GALNT1: variants seen among roughly 807,000 people sequenced by gnomAD.
GALNT1 encodes polypeptide N-acetylgalactosaminyltransferase 1.
A neutral mutation model predicts 65.7 loss-of-function variants in GALNT1; 17 were observed. That is an observed-to-expected ratio of 0.26 (90% confidence interval 0.18 to 0.39). The LOEUF is 0.39. GALNT1 is among the 10% of genes least tolerant of loss of function. The pLI is 1.00. For synonymous variants in GALNT1, 210 were observed against 219.7 expected, an observed-to-expected ratio of 0.96 and a Z score of 0.39; for missense variants, 460 against 672.8, an observed-to-expected ratio of 0.68 and a Z score of 3.50.
chr18:35,597,104 G>C (rs957305916), intron 1 of GALNT1: 1 of 152,222 alleles, frequency 6.6e-6, no homozygotes, highest in African/African-American at 2.4e-5. Flanking sequence ...GGAGTGACCT[G>C]ATCAACAGAT....
chr18:35,709,301 A>C (rs1418388286), intron 11 of GALNT1, among the ~76,000 whole-genome samples: 1 of 152,192 alleles, frequency 6.6e-6, no homozygotes. Context: ...GAAGCTTCTC[A>C]TAGTGTTACA....
rs190953689 is a variant in GALNT1 at position 35,622,491 on chromosome 18, A to G, written c.-103-32069A>G. 7.2e-3 allele frequency among the ~76,000 whole-genome samples: 1,087 copies of G among 150,260 alleles called. 11 individuals carry two copies. The highest frequency in any genetic ancestry group is 0.025 in the African/African-American group (1,009 of 40,394). ...GGTCTCGAACTCCTGGATTCAAATAATACTCTTTGCCTCAGCCTCCAAAGT... is the reference window on the plus strand; with the variant it reads ...GGTCTCGAACTCCTGGATTCAAATAGTACTCTTTGCCTCAGCCTCCAAAGT... On this transcript the variant is annotated intron_variant, in intron 1 of 11. Transcript: ENST00000269195.
At chr18:35,692,081 T>C (rs1192126703) in intron 8 of GALNT1, 100 bp from the exon 9 acceptor site, 15 of 1,005,708 alleles carry the variant, frequency 1.5e-5, no homozygotes, top group Non-Finnish European at 2.1e-5. Flanking sequence ...ACCCAGCTGA[T>C]ACCACTGTTC....
rs559827203 is a variant in GALNT1, at chr18:35,678,935, T to C, written c.481+1178T>C. Reference sequence around the variant, plus strand: ...TTATTGCTTTGCCAGTTTATACAGTTGCACATGAAGAAAAGGATAAATCCT... The same window carrying C: ...TTATTGCTTTGCCAGTTTATACAGTCGCACATGAAGAAAAGGATAAATCCT... On this transcript the variant is annotated intron_variant, in intron 4 of 11. Coordinates refer to ENST00000269195, the MANE Select transcript of GALNT1 (RefSeq NM_020474.4). Among the ~76,000 whole-genome samples the C allele has an allele frequency of 3.4e-4, 52 of 152,326 alleles. No homozygotes were observed. The South Asian group carries it at 0.01, about 30-fold the overall frequency.
intron 1 of GALNT1, among the ~76,000 whole-genome samples, chr18:35,651,014 A>T (rs946345538): frequency 6.6e-6 from 1 of 152,196 alleles, no homozygotes; most frequent in Non-Finnish European, 1.5e-5. Flanking sequence ...AGGCATAAGA[A>T]ATTATAAAAG....
At chr18:35,637,532 A>G (rs914035567) in intron 1 of GALNT1, among the ~76,000 whole-genome samples, 7 of 152,212 alleles carry the variant, frequency 4.6e-5, no homozygotes, top group Non-Finnish European at 1.0e-4. Flanking sequence ...AGGCTGAGAG[A>G]GGTGAGGAAG....
At chr18:35,690,980 A>G (rs767776406) in intron 7 of GALNT1, 32 bp from the exon 8 acceptor site, 55 of 1,526,802 alleles carry the variant, frequency 3.6e-5, no homozygotes, top group South Asian at 3.4e-4. Flanking sequence ...TTACTCAGCT[A>G]CATGTTACAT....
chr18:35,679,062 T>C (rs2047751418), intron 4 of GALNT1, among the ~76,000 whole-genome samples: 1 of 152,186 alleles, frequency 6.6e-6, no homozygotes, highest in Non-Finnish European at 1.5e-5. Flanking sequence ...TATAATTACA[T>C]GTCAGAAGGA....
rs116788148 is a variant in GALNT1, at chr18:35,608,163, A to G, written c.-104+26301A>G. ...TCTCAGTAATATTTTTTGTTTTTCA[A>G]TGAAGTTGTCTTACTGCTAAGTTTA... is the stretch of plus-strand genomic sequence containing the variant. On this transcript the variant is annotated intron_variant, in intron 1 of 11. Transcript: ENST00000269195. Among the ~76,000 whole-genome samples the G allele has an allele frequency of 6.4e-3, 971 of 152,124 alleles. 19 individuals carry two copies. Among genetic ancestry groups the G allele is most frequent in the African/African-American group, 0.022 (921 of 41,508 alleles).
rs191294614 is a variant in GALNT1, at chr18:35,711,230, G to C, written c.*1460G>C. 1.8e-4 allele frequency: 28 copies of C among 152,382 alleles called. No homozygotes were observed. The highest frequency in any genetic ancestry group is 6.5e-4 in the African/African-American group (27 of 41,506). The allele number at this position is 152,382 out of a possible 1,614,324, so 9.4% of individuals were successfully genotyped here. ...TTTTTCCTGATATGTAGAGCAGTCT[G>C]TTGGCAAAAATGCATATATTTTCTT... On this transcript the variant is annotated 3_prime_UTR_variant, in exon 12 of 12. Coordinates refer to ENST00000269195, the MANE Select transcript of GALNT1 (RefSeq NM_020474.4).
intron 3 of GALNT1, among the ~76,000 whole-genome samples, chr18:35,671,195 G>T (rs635462): frequency 0.61 from 92,183 of 151,898 alleles, 28,541 homozygotes; most frequent in Middle Eastern, 0.7. Context: ...TACCATTGAA[G>T]GGACTCTCAC....
rs77316873 is a variant in GALNT1, at chr18:35,636,014, T to A, written c.-103-18546T>A. Among the ~76,000 whole-genome samples the A allele has an allele frequency of 5.7e-3, 871 of 152,244 alleles. 21 individuals carry two copies. In the East Asian group the frequency reaches 0.064, roughly 11 times the overall value. On this transcript the variant is annotated intron_variant, in intron 1 of 11. Transcript: ENST00000269195. ...AAAGCACATCAGCCATAGTTTTTTT[T>A]AAAAAAGAATGTCTGATTCCAGGAT...
At chr18:35,677,822 T>C in intron 4 of GALNT1, 65 bp downstream of exon 4, 1 of 1,187,074 alleles carries the variant, frequency 8.4e-7, no homozygotes, top group Non-Finnish European at 1.2e-6. Context: ...TAAAACTAGT[T>C]GCTATAATTT....
chr18:35,611,056 G>A (rs1431069534), intron 1 of GALNT1, among the ~76,000 whole-genome samples: 1 of 152,062 alleles, frequency 6.6e-6, no homozygotes, highest in Non-Finnish European at 1.5e-5. Context: ...GAGTTGGATA[G>A]GGTGGGGGTC....
At chr18:35,619,291 T>C (rs1314640895) in intron 1 of GALNT1, among the ~76,000 whole-genome samples, 1 of 152,218 alleles carries the variant, frequency 6.6e-6, no homozygotes, top group Non-Finnish European at 1.5e-5. Flanking sequence ...ATTTGTTCTG[T>C]TGAGCAAATC....
chr18:35,623,575 A>G (rs533005910), intron 1 of GALNT1, among the ~76,000 whole-genome samples: 4 of 152,082 alleles, frequency 2.6e-5, no homozygotes, highest in African/African-American at 7.2e-5. Context: ...ATGCTGTACC[A>G]CAGCTCACTG....
chr18:35,633,285 G>A (rs973192637), intron 1 of GALNT1, among the ~76,000 whole-genome samples: 4 of 152,070 alleles, frequency 2.6e-5, no homozygotes, highest in Non-Finnish European at 5.9e-5. Context: ...CAAAGACCTG[G>A]AACCAACCCA....
rs2047730121 is a variant in GALNT1, at chr18:35,677,695, T to G, written c.419T>G (p.Ile140Ser). 4.3e-6 allele frequency: 7 copies of G among 1,613,198 alleles called. No homozygotes were observed. Among genetic ancestry groups the G allele is most frequent in the Non-Finnish European group, 5.1e-6 (6 of 1,179,356 alleles). ...CTTCTGCGAACTGTCCATAGTGTCA[T>G]TAATCGCTCACCAAGACACATGATA... ...STLLRTVHSV[I>S]NRSPRHMIEE... is the part of the protein sequence containing the mutation. The change falls in exon 4 of 12, where the codon ATT becomes AGT. Residue 140 changes from isoleucine to serine, a missense_variant. Physicochemically the swap from Ile to Ser is moderately radical, Grantham distance 142. Transcript: ENST00000269195.
intron 4 of GALNT1, among the ~76,000 whole-genome samples, chr18:35,680,425 A>G (rs1383866438): frequency 2.6e-5 from 4 of 152,150 alleles, no homozygotes; most frequent in Non-Finnish European, 5.9e-5. Flanking sequence ...TGTTTAATAG[A>G]TACCTTCCCC....
Sources: gnomAD v4.1 joint callset for allele counts (sites outside exome capture counted in the v4.1 genomes callset) on GRCh38, gnomAD v4.1.1 for gene constraint, MANE v1.5 for transcripts, NCBI Gene and HGNC (gene_info 2026-07-23, HGNC 2026-07-21) for gene names.